Variants in ETV6 observed in about 807,000 individuals in gnomAD.
The protein encoded by ETV6 is transcription factor ETV6.
In ETV6, 16 loss-of-function variants were observed where a neutral mutation model predicts 51.1. The ratio of observed to expected loss-of-function variants is 0.31; its 90% CI spans 0.21 to 0.48. ETV6 has a LOEUF of 0.48. Among genes scored for constraint, ETV6 ranks in the 20% least tolerant of loss-of-function variants. ETV6 has a pLI of 0.99. For missense variants in ETV6, 458 were observed against 594.8 expected, an observed-to-expected ratio of 0.77 and a Z score of 2.39; for synonymous variants, 240 against 224.1, an observed-to-expected ratio of 1.07 and a Z score of -0.64.
rs1448252437 is a variant in ETV6, at chr12:11,891,842, G to C, written c.*796G>C. 3.1e-6 allele frequency: 1 copy of C among 323,354 alleles called. No homozygotes were observed. The highest frequency in any genetic ancestry group is 6.0e-6 in the Non-Finnish European group (1 of 167,380). 20.0% of individuals were successfully genotyped at this position (323,354 alleles called of 1,614,324 possible). A position where few individuals can be genotyped will look rare whatever the true frequency, so the allele number is the denominator to read the frequency against. The stretch of plus-strand genomic sequence containing the variant: ...GAATCAAACCCGCATCCCAGCATTG[G>C]GCCACCCATCTGAGGGAGGCCAAAA... On this transcript the variant is annotated 3_prime_UTR_variant, in exon 8 of 8. Transcript: ENST00000396373.
intron 1 of ETV6, among the ~76,000 whole-genome samples, chr12:11,676,604 T>G (rs1447817127): frequency 2.6e-5 from 4 of 152,208 alleles, no homozygotes; most frequent in African/African-American, 9.7e-5. Context: ...CTAGGTCTTA[T>G]CTCCCTGGGG....
intron 1 of ETV6, among the ~76,000 whole-genome samples, chr12:11,659,969 G>A (rs1189402947): frequency 6.6e-6 from 1 of 152,182 alleles, no homozygotes. Context: ...AATACAGCTA[G>A]ATAGAAGGAA....
At chr12:11,767,309 G>T (rs74060846) in intron 2 of ETV6, among the ~76,000 whole-genome samples, 4 of 152,196 alleles carry the variant, frequency 2.6e-5, no homozygotes, top group African/African-American at 9.6e-5. Flanking sequence ...GAGGCACTTT[G>T]TGAATTCCTA....
At chr12:11,806,522 G>C (rs1199230913) in intron 2 of ETV6, among the ~76,000 whole-genome samples, 1 of 152,180 alleles carries the variant, frequency 6.6e-6, no homozygotes, top group African/African-American at 2.4e-5. Context: ...ACACACCTTT[G>C]TTAGTTACAC....
Position 11,869,924 on chromosome 12 carries a change from G to A in ETV6, c.964G>A (p.Val322Ile). ...TTACATGAACCACATCATGGTCTCT[G>A]TCTCCCCGCCTGAAGAGCACGCCAT... ...LAYMNHIMVS[V>I]SPPEEHAMPI... The change falls in exon 5 of 8, where the codon GTC (valine) becomes ATC (isoleucine). Residue 322 changes from valine to isoleucine, a missense_variant. Transcript: ENST00000396373. The surrounding 1 kb of genome is among the most constrained non-coding windows in gnomAD (Gnocchi z 5.0). 6.2e-7 allele frequency: 1 copy of A among 1,611,032 alleles called. No homozygotes were observed. The highest frequency in any genetic ancestry group is 8.5e-7 in the Non-Finnish European group (1 of 1,179,960).
chr12:11,868,612 A>G (rs1408074996), intron 4 of ETV6, among the ~76,000 whole-genome samples: 4 of 151,678 alleles, frequency 2.6e-5, no homozygotes, highest in Non-Finnish European at 4.4e-5. Flanking sequence ...CAGGAGTGCT[A>G]TAAGTTTTAA....
chr12:11,719,787 G>A (rs1048254637), intron 1 of ETV6, among the ~76,000 whole-genome samples: 26 of 152,330 alleles, frequency 1.7e-4, no homozygotes, highest in Non-Finnish European at 2.8e-4. Context: ...GGAAGGCAGG[G>A]ATGAGGACTG....
At chr12:11,656,350 G>A (rs908447705) in intron 1 of ETV6, among the ~76,000 whole-genome samples, 1 of 152,164 alleles carries the variant, frequency 6.6e-6, no homozygotes, top group Non-Finnish European at 1.5e-5. Flanking sequence ...AGCCATTTTT[G>A]CGAAGAAAAT....
intron 2 of ETV6, among the ~76,000 whole-genome samples, chr12:11,784,311 C>T (rs1945450577): frequency 2.0e-5 from 3 of 152,176 alleles, no homozygotes; most frequent in South Asian, 4.2e-4. Context: ...CGCCTGTAAT[C>T]CACTACTCAG....
chr12:11,671,219 G>T (rs1420019984), intron 1 of ETV6, among the ~76,000 whole-genome samples: 1 of 152,176 alleles, frequency 6.6e-6, no homozygotes, highest in African/African-American at 2.4e-5. Flanking sequence ...GAGGCCCAAG[G>T]TGGCAGCCTT....
intron 5 of ETV6, among the ~76,000 whole-genome samples, chr12:11,883,335 C>T (rs935577799): frequency 2.5e-5 from 3 of 121,830 alleles, no homozygotes; most frequent in African/African-American, 6.8e-5. Flanking sequence ...ACTTTGTCAC[C>T]GAGGCTGGAG....
intron 1 of ETV6, among the ~76,000 whole-genome samples, chr12:11,654,872 T>A (rs1472233117): frequency 6.6e-6 from 1 of 152,152 alleles, no homozygotes; most frequent in Non-Finnish European, 1.5e-5. Context: ...ATACTTTAAT[T>A]TCTGTGTAGT....
intron 2 of ETV6, among the ~76,000 whole-genome samples, chr12:11,807,564 C>A (rs752464355): frequency 1.3e-5 from 2 of 152,120 alleles, no homozygotes; most frequent in African/African-American, 2.4e-5. Flanking sequence ...ATTTCTGAGC[C>A]TGTTGAAAAG....
Position 11,893,115 on chromosome 12 carries a change from G to A in ETV6, c.*2069G>A, listed in dbSNP as rs1947320715. 9 of 232,716 alleles carry A rather than the reference G, an allele frequency of 3.9e-5. No homozygotes were observed. Among genetic ancestry groups the A allele is most frequent in the South Asian group, 1.8e-4 (1 of 5,522 alleles). The allele number at this position is 232,716 out of a possible 1,614,324, so 14.4% of individuals were successfully genotyped here. On this transcript the variant is annotated 3_prime_UTR_variant, in exon 8 of 8. Coordinates refer to ENST00000396373, the MANE Select transcript of ETV6 (RefSeq NM_001987.5). ...GGTGTCTTTTGAGAGCATTCAGTAG[G>A]ACATGGTGATCCCTATTTCAGCCTC...
At chr12:11,838,195 A>G (rs916722175) in intron 2 of ETV6, among the ~76,000 whole-genome samples, 7 of 152,244 alleles carry the variant, frequency 4.6e-5, no homozygotes, top group African/African-American at 1.7e-4. Flanking sequence ...AGAAAGAATG[A>G]GAGCGAAAAA....
At chr12:11,660,214 A>G (rs1864075405) in intron 1 of ETV6, among the ~76,000 whole-genome samples, 1 of 152,212 alleles carries the variant, frequency 6.6e-6, no homozygotes, top group African/African-American at 2.4e-5. Context: ...CAAAGAGACA[A>G]TTTAGAATAA....
intron 1 of ETV6, among the ~76,000 whole-genome samples, chr12:11,693,704 T>C (rs1297706581): frequency 6.6e-6 from 1 of 152,196 alleles, no homozygotes; most frequent in Non-Finnish European, 1.5e-5. Flanking sequence ...CCACTTCTGG[T>C]GTCCTTCAGT....
At chr12:11,675,053 G>A (rs761542858) in intron 1 of ETV6, among the ~76,000 whole-genome samples, 2 of 152,210 alleles carry the variant, frequency 1.3e-5, no homozygotes, top group Non-Finnish European at 2.9e-5. Context: ...CTTTTTGCAC[G>A]CATATGTCTG....
chr12:11,652,484 C>T (rs746429112), intron 1 of ETV6, among the ~76,000 whole-genome samples: 1 of 152,184 alleles, frequency 6.6e-6, no homozygotes, highest in Non-Finnish European at 1.5e-5. Context: ...AAACAATATG[C>T]TTTTCTGTGT....
Sources: gnomAD v4.1 joint callset for allele counts (sites outside exome capture counted in the v4.1 genomes callset) on GRCh38, gnomAD v4.1.1 for gene constraint, Gnocchi (gnomAD v3.1) non-coding constraint, MANE v1.5 for transcripts, NCBI Gene and HGNC (gene_info 2026-07-23, HGNC 2026-07-21) for gene names.